The following TBCE variants were observed in gnomAD, a reference collection of about 807,000 sequenced individuals.
The protein encoded by TBCE is tubulin-specific chaperone E.
A neutral mutation model predicts 77.0 loss-of-function variants in TBCE; 53 were observed. That is an observed-to-expected ratio of 0.69 (90% CI 0.55 to 0.87). The LOEUF (loss-of-function observed/expected upper bound fraction) is 0.87, where lower values mean the gene tolerates loss of function less well. Among genes scored for constraint, TBCE ranks in the 40% least tolerant of loss-of-function variants. The pLI, the probability that TBCE is intolerant of heterozygous loss-of-function variation, is 0.00. For missense variants in TBCE, 624 were observed against 622.4 expected, an observed-to-expected ratio of 1.00 and a Z score of -0.03; for synonymous variants, 235 against 241.3, an observed-to-expected ratio of 0.97 and a Z score of 0.24.
chr1:235,426,211 C>T (rs1160608423), intron 5 of TBCE, among the ~76,000 whole-genome samples: 1 of 152,218 alleles, frequency 6.6e-6, no homozygotes, highest in Non-Finnish European at 1.5e-5. Flanking sequence ...GCTGCACCTG[C>T]ACCTAGCCCC....
In TBCE at chr1:235,435,310, C is replaced by T. The variant is rs186071116; in HGVS notation, c.738-435C>T. 2.0e-3 allele frequency among the ~76,000 whole-genome samples: 299 copies of T among 151,948 alleles called. 1 individual carries two copies. Among genetic ancestry groups the T allele is most frequent in the African/African-American group, 7.0e-3 (288 of 41,436 alleles). ...GAGACGGGGTTTCACCATGTTGGCC[C>T]GGCTGGTCTTGAACTCCTGACCTCA... On this transcript the variant is annotated intron_variant, in intron 8 of 16. Coordinates refer to ENST00000642610, the MANE Select transcript of TBCE (RefSeq NM_003193.5).
intron 1 of TBCE, among the ~76,000 whole-genome samples, chr1:235,369,776 G>A (rs978137309): frequency 6.6e-6 from 1 of 151,524 alleles, no homozygotes; most frequent in East Asian, 1.9e-4. Flanking sequence ...AGGTTGCAGT[G>A]AGCCGAGATT....
chr1:235,442,403 C>T (rs1187587563), intron 14 of TBCE, among the ~76,000 whole-genome samples: 2 of 152,196 alleles, frequency 1.3e-5, no homozygotes, highest in Non-Finnish European at 2.9e-5. Flanking sequence ...CTCCTGACCT[C>T]AGGAGATCCA....
rs144210623 is a variant in TBCE at position 235,428,631 on chromosome 1, CTTTA to C, written c.560+1420_560+1423del. Among the ~76,000 whole-genome samples the C allele has an allele frequency of 1.5e-3, 220 of 147,484 alleles. 1 individual carries two copies. Among genetic ancestry groups the C allele is most frequent in the African/African-American group, 4.5e-3 (180 of 40,022 alleles). On this transcript the variant is annotated intron_variant, in intron 6 of 16. Transcript: ENST00000642610. ...AGGACACATTTAATCTTTAAGGACA[CTTTA>C]TTTATTTATTTATTTATTTATTTAT...
In TBCE at chr1:235,448,788, C is replaced by G. The variant is rs904571818; in HGVS notation, c.*26C>G. 6.7e-7 allele frequency: 1 copy of G among 1,484,130 alleles called. No individual in the cohort carries two copies. Among genetic ancestry groups the G allele is most frequent in the South Asian group, 1.1e-5 (1 of 88,334 alleles). The allele number at this position is 1,484,130 out of a possible 1,614,324, so 91.9% of individuals were successfully genotyped here. ...CAACCAACTAATAAAATTTAAAGAC[C>G]ACACTGCTTATCGTGTCTGGGGTTC... On this transcript the variant is annotated 3_prime_UTR_variant, in exon 17 of 17. Coordinates refer to ENST00000642610, the MANE Select transcript of TBCE (RefSeq NM_003193.5).
At chr1:235,372,780 C>T (rs549398701) in intron 1 of TBCE, among the ~76,000 whole-genome samples, 13 of 151,760 alleles carry the variant, frequency 8.6e-5, no homozygotes, top group Admixed American at 7.2e-4. Flanking sequence ...AAAAATTAGC[C>T]GGGCGTGGTG....
intron 2 of TBCE, among the ~76,000 whole-genome samples, chr1:235,381,796 A>C (rs1280567141): frequency 7.0e-6 from 1 of 143,298 alleles, no homozygotes; most frequent in Non-Finnish European, 1.5e-5. Flanking sequence ...TTCTTTTTTT[A>C]ATTTTTTAAT....
rs543905164 is a variant in TBCE, at chr1:235,398,622, CT to C, written c.101-2867del. 3.7e-3 allele frequency among the ~76,000 whole-genome samples: 489 copies of C among 133,298 alleles called. 2 individuals are homozygous for C. Among genetic ancestry groups the C allele is most frequent in the Non-Finnish European group, 5.8e-3 (354 of 61,318 alleles). The allele number at this position is 133,298 out of a possible 152,430, so 87.4% of individuals were successfully genotyped here. On this transcript the variant is annotated intron_variant, in intron 2 of 16. Coordinates refer to ENST00000642610, the MANE Select transcript of TBCE (RefSeq NM_003193.5). ...CGATGATGATTATTTGTGGTGTTTT[CT>C]TTTTTTTTTTTTTGAGACAAGGTCT...
At chr1:235,374,391 A>G (rs1677164058) in intron 1 of TBCE, among the ~76,000 whole-genome samples, 1 of 146,588 alleles carries the variant, frequency 6.8e-6, no homozygotes, top group Non-Finnish European at 1.5e-5. Context: ...GAAAACTGGA[A>G]TGCTATAAGG....
At chr1:235,372,907 G>C (rs1236097074) in intron 1 of TBCE, among the ~76,000 whole-genome samples, 1 of 131,950 alleles carries the variant, frequency 7.6e-6, no homozygotes, top group Non-Finnish European at 1.5e-5. Flanking sequence ...CTGGGCGACA[G>C]AGTGAGACTC....
Position 235,433,996 on chromosome 1 carries a change from C to T in TBCE, c.661-208C>T, listed in dbSNP as rs956946469. 2.6e-5 allele frequency: 16 copies of T among 603,830 alleles called. No individual in the cohort carries two copies. In the East Asian group the frequency reaches 4.3e-4, roughly 16 times the overall value. The allele number at this position is 603,830 out of a possible 1,614,324, so 37.4% of individuals were successfully genotyped here. ...GGCCTCAAAGTGCCCACAGTGTGTG[C>T]TCCCACAGCATTAAAATGCACCCCC... On this transcript the variant is annotated intron_variant, in intron 7 of 16. Coordinates refer to ENST00000642610, the MANE Select transcript of TBCE (RefSeq NM_003193.5).
chr1:235,398,138 CTTTCT>C (rs1211401788), intron 2 of TBCE, among the ~76,000 whole-genome samples: 2 of 88,212 alleles, frequency 2.3e-5, no homozygotes, highest in East Asian at 2.9e-4. Context: ...ACATTTACTT[CTTTCT>C]TTTTTTTTTT....
chr1:235,428,542 C>T (rs904154663), intron 6 of TBCE, among the ~76,000 whole-genome samples: 8 of 152,096 alleles, frequency 5.3e-5, no homozygotes, highest in South Asian at 2.1e-4. Context: ...GCAGCTGCTT[C>T]GCTAGTAGAC....
In TBCE at chr1:235,436,570, T is replaced by C; in HGVS notation, c.925T>C (p.Leu309=). The C allele has an allele frequency of 4.3e-6, 7 of 1,614,134 alleles. No individual in the cohort carries two copies. Among genetic ancestry groups the C allele is most frequent in the Non-Finnish European group, 5.9e-6 (7 of 1,179,980 alleles). Reference sequence around the variant, plus strand: ...GTGCAAAACGTCCATGTTCCCATCCTTGAAGTACCTGGTAGTAAACGACAA... The same window carrying C: ...GTGCAAAACGTCCATGTTCCCATCCCTGAAGTACCTGGTAGTAAACGACAA... The part of the protein sequence containing the change: ...IGCKTSMFPS[L]KYLVVNDNQI... Residue 309 remains leucine (L), a synonymous_variant, in exon 11 of 17, where the codon TTG becomes CTG. Transcript: ENST00000642610.
intron 15 of TBCE, among the ~76,000 whole-genome samples, chr1:235,444,318 C>T (rs1029191053): frequency 4.6e-5 from 7 of 152,170 alleles, no homozygotes; most frequent in African/African-American, 1.7e-4. Context: ...TTTCCCCCTT[C>T]ATTATTCTGT....
chr1:235,432,458 C>G (rs1681162493), intron 7 of TBCE, among the ~76,000 whole-genome samples: 1 of 152,210 alleles, frequency 6.6e-6, no homozygotes, highest in Non-Finnish European at 1.5e-5. Context: ...CTTACTCCCT[C>G]TCAAGGTGTA....
rs993934500 is a variant in TBCE at position 235,380,696 on chromosome 1, T to C, written c.100+547T>C. Among the ~76,000 whole-genome samples the C allele has an allele frequency of 2.8e-4, 42 of 152,172 alleles. 2 individuals are homozygous for C. The highest frequency in any genetic ancestry group is 1.6e-3 in the Admixed American group (25 of 15,254). ...GTATAATATATAGTTTGTTTAATTG[T>C]TCCCCATTTTTGGATGTTAATTTCT... On this transcript the variant is annotated intron_variant, in intron 2 of 16. Transcript: ENST00000642610.
intron 12 of TBCE, 88 bp downstream of exon 12, chr1:235,437,562 A>G: frequency 6.6e-7 from 1 of 1,519,440 alleles, no homozygotes; most frequent in Non-Finnish European, 9.0e-7. Flanking sequence ...CTGTAATCCC[A>G]GCACTTTGGG....
Position 235,438,841 on chromosome 1 carries a change from G to A in TBCE, c.1189G>A (p.Gly397Ser), listed in dbSNP as rs1681633971. ...TTTTGGAAATGAGTGGAAACAGGCT[G>A]GTGGACATAAGGATCCGGAAAAAAA... ...KAFGNEWKQA[G>S]GHKDPEKNRL... The change falls in exon 13 of 17, where the codon GGT becomes AGT. Residue 397 changes from glycine (G) to serine (S), a missense_variant. Gly to Ser is a moderately conservative substitution (Grantham distance 56). Transcript: ENST00000642610. The A allele has an allele frequency of 6.2e-7, 1 of 1,614,154 alleles. No individual in the cohort carries two copies. The highest frequency in any genetic ancestry group is 8.5e-7 in the Non-Finnish European group (1 of 1,180,030).
Sources: gnomAD v4.1 joint callset for allele counts (sites outside exome capture counted in the v4.1 genomes callset) on GRCh38, gnomAD v4.1.1 for gene constraint, MANE v1.5 for transcripts, NCBI Gene and HGNC (gene_info 2026-07-23, HGNC 2026-07-21) for gene names.